CD2AP: variants seen among roughly 807,000 people sequenced by gnomAD.
CD2AP encodes CD2-associated protein.
CD2AP carries 46 observed loss-of-function variants against 85.1 expected under a neutral mutation model. That is an observed-to-expected ratio of 0.54 (90% CI 0.43 to 0.69). The LOEUF is 0.69. Among genes scored for constraint, CD2AP ranks in the 30% least tolerant of loss-of-function variants. The pLI, the probability that CD2AP is intolerant of heterozygous loss-of-function variation, is 0.00. For synonymous variants in CD2AP, 255 were observed against 252.9 expected (o/e 1.01, Z -0.08); for missense variants, 769 against 729.5 (o/e 1.05, Z -0.62).
intron 17 of CD2AP, among the ~76,000 whole-genome samples, chr6:47,621,357 G>A (rs1769738995): frequency 6.6e-6 from 1 of 152,118 alleles, no homozygotes; most frequent in Non-Finnish European, 1.5e-5. Flanking sequence ...ATTGACTTGT[G>A]TATGTTAAAC....
At chr6:47,513,143 C>CT (rs34297362) in intron 2 of CD2AP, among the ~76,000 whole-genome samples, 114 of 136,376 alleles carry the variant, frequency 8.4e-4, no homozygotes, top group Middle Eastern at 7.4e-3. Context: ...ATCTGAATAC[C>CT]TTTTTTTTTT....
At chr6:47,612,753 A>G (rs1769482655) in intron 17 of CD2AP, among the ~76,000 whole-genome samples, 1 of 152,200 alleles carries the variant, frequency 6.6e-6, no homozygotes, top group African/African-American at 2.4e-5. Flanking sequence ...AGCCAGGCAC[A>G]GAAAGAGAAA....
intron 17 of CD2AP, among the ~76,000 whole-genome samples, chr6:47,621,491 G>T (rs1259448793): frequency 6.6e-6 from 1 of 152,136 alleles, no homozygotes; most frequent in East Asian, 1.9e-4. Flanking sequence ...CAAAGATACT[G>T]GTCTGTAGTT....
chr6:47,507,309 C>T (rs551659553), intron 2 of CD2AP, among the ~76,000 whole-genome samples: 1 of 152,328 alleles, frequency 6.6e-6, no homozygotes, highest in South Asian at 2.1e-4. Context: ...TTCTTCCAGA[C>T]TCCCATTAAT....
At chr6:47,501,111 G>T (rs927321111) in intron 1 of CD2AP, among the ~76,000 whole-genome samples, 4 of 152,172 alleles carry the variant, frequency 2.6e-5, no homozygotes, top group Middle Eastern at 3.2e-3. Context: ...TCTCAGCTGG[G>T]CATGGTGGCT....
rs554659661 is a variant in CD2AP at position 47,625,134 on chromosome 6, A to T, written c.*907A>T. On this transcript the variant is annotated 3_prime_UTR_variant, in exon 18 of 18. Coordinates refer to ENST00000359314, the MANE Select transcript of CD2AP (RefSeq NM_012120.3). ...CTTTTCTGCTTATTTTACAGCCTCA[A>T]ATATTTCTCATTATCTTGTCACTTA... 1.4e-4 allele frequency: 22 copies of T among 151,954 alleles called. No individual in the cohort carries two copies. The highest frequency in any genetic ancestry group is 5.1e-4 in the African/African-American group (21 of 41,554). 9.4% of individuals were successfully genotyped at this position (151,954 alleles called of 1,614,324 possible). A position where few individuals can be genotyped will look rare whatever the true frequency, so the allele number is the denominator to read the frequency against.
At chr6:47,602,481 G>C (rs1360105111) in intron 13 of CD2AP, among the ~76,000 whole-genome samples, 1 of 151,988 alleles carries the variant, frequency 6.6e-6, no homozygotes, top group Non-Finnish European at 1.5e-5. Context: ...GTTTTAAAAT[G>C]TAAGATAGAA....
chr6:47,478,241 C>A lies in CD2AP; in HGVS notation c.-4C>A. On this transcript the variant is annotated 5_prime_UTR_variant, in exon 1 of 18. Coordinates refer to ENST00000359314, the MANE Select transcript of CD2AP (RefSeq NM_012120.3). ...GTCGGCTTCTCCCCGCGGGAGCCCC[C>A]AGCATGGGTAAGAGACTCGGGCGCT... 6.4e-7 allele frequency: 1 copy of A among 1,572,678 alleles called. No individual in the cohort carries two copies. Among genetic ancestry groups the A allele is most frequent in the East Asian group, 2.3e-5 (1 of 42,684 alleles).
At chr6:47,565,073 A>G (rs1446701642) in intron 5 of CD2AP, among the ~76,000 whole-genome samples, 1 of 152,050 alleles carries the variant, frequency 6.6e-6, no homozygotes, top group African/African-American at 2.4e-5. Context: ...CTGACTCTTA[A>G]TAATATATGG....
At chr6:47,588,515 A>G (rs1768690657) in intron 11 of CD2AP, among the ~76,000 whole-genome samples, 1 of 152,138 alleles carries the variant, frequency 6.6e-6, no homozygotes, top group African/African-American at 2.4e-5. Flanking sequence ...ATTTAGCTAG[A>G]TAATGGTGGT....
chr6:47,496,345 T>G (rs560879653), intron 1 of CD2AP, among the ~76,000 whole-genome samples: 1 of 152,326 alleles, frequency 6.6e-6, no homozygotes, highest in East Asian at 1.9e-4. Context: ...GAATGTTGCT[T>G]CTTTGATAAC....
chr6:47,513,875 T>TA (rs11430907), intron 2 of CD2AP, among the ~76,000 whole-genome samples: 34,310 of 142,558 alleles, frequency 0.24, 4,312 homozygotes, highest in African/African-American at 0.27. Context: ...CATCAGACTT[T>TA]AAAAAAAATT....
chr6:47,611,469 GT>G (rs1769439109), intron 16 of CD2AP, among the ~76,000 whole-genome samples: 1 of 151,596 alleles, frequency 6.6e-6, no homozygotes, highest in Non-Finnish European at 1.5e-5. Flanking sequence ...GAGTTCAGAG[GT>G]TTTCGCTTTA....
intron 3 of CD2AP, among the ~76,000 whole-genome samples, chr6:47,543,179 GAAAAAAGAAA>G (rs1457668835): frequency 7.9e-6 from 1 of 127,284 alleles, no homozygotes; most frequent in African/African-American, 2.8e-5. Flanking sequence ...AAAAGAAAAA[GAAAAAAGAAA>G]AAAAAGAAAA....
chr6:47,593,520 CATTA>C, intron 11 of CD2AP, among the ~76,000 whole-genome samples: 1 of 152,078 alleles, frequency 6.6e-6, no homozygotes, highest in South Asian at 2.1e-4. Flanking sequence ...TGTTTAACAT[CATTA>C]ATCATGTCAG....
intron 2 of CD2AP, among the ~76,000 whole-genome samples, chr6:47,529,455 T>C (rs919743685): frequency 1.3e-5 from 2 of 152,160 alleles, no homozygotes; most frequent in Non-Finnish European, 1.5e-5. Context: ...TGCCTTGCGA[T>C]GGAATGGTGT....
At chr6:47,590,631 G>A (rs945741138) in intron 11 of CD2AP, among the ~76,000 whole-genome samples, 2 of 152,004 alleles carry the variant, frequency 1.3e-5, no homozygotes, top group African/African-American at 4.8e-5. Flanking sequence ...CTCACCATCG[G>A]GTTTGAGTAT....
chr6:47,529,213 T>G (rs1315087229), intron 2 of CD2AP, among the ~76,000 whole-genome samples: 1 of 110,890 alleles, frequency 9.0e-6, no homozygotes, highest in Non-Finnish European at 1.7e-5. Flanking sequence ...CTTATTGCAC[T>G]ATGGCAGCAT....
intron 2 of CD2AP, among the ~76,000 whole-genome samples, chr6:47,516,604 G>A (rs1165586806): frequency 6.6e-6 from 1 of 152,186 alleles, no homozygotes; most frequent in Non-Finnish European, 1.5e-5. Flanking sequence ...TCTGGATTGA[G>A]AGAAGATCCT....
Sources: allele counts gnomAD v4.1 joint callset (sites outside exome capture counted in the v4.1 genomes callset), GRCh38; gene constraint gnomAD v4.1.1; transcripts MANE v1.5; gene names NCBI Gene and HGNC (gene_info 2026-07-23, HGNC 2026-07-21).